CNTN5: variants seen among roughly 807,000 people sequenced by gnomAD.
CNTN5 encodes the protein contactin-5.
In CNTN5, 77 loss-of-function variants were observed where a neutral mutation model predicts 129.1. The ratio of observed to expected loss-of-function variants is 0.60; its 90% CI spans 0.50 to 0.72. CNTN5 has a LOEUF of 0.72. Among genes scored for constraint, CNTN5 ranks in the 30% least tolerant of loss-of-function variants. The probability of loss-of-function intolerance (pLI) is 0.00; values close to 1 mark genes in which losing one functional copy is unlikely to be tolerated. For missense variants in CNTN5, 1,478 were observed against 1,328.8 expected, an observed-to-expected ratio of 1.11 and a Z score of -1.75; for synonymous variants, 509 against 465.6, an observed-to-expected ratio of 1.09 and a Z score of -1.20.
At chr11:99,304,505 C>T in intron 1 of CNTN5, among the ~76,000 whole-genome samples, 1 of 152,080 alleles carries the variant, frequency 6.6e-6, no homozygotes, top group East Asian at 1.9e-4. Context: ...AAATGTTCTC[C>T]CTCCTCTGTA....
intron 1 of CNTN5, among the ~76,000 whole-genome samples, chr11:99,104,709 A>T (rs1866915564): frequency 6.6e-6 from 1 of 152,072 alleles, no homozygotes; most frequent in South Asian, 2.1e-4. Context: ...TTTGTCAATT[A>T]TAATTTGTAA....
chr11:99,267,213 A>G (rs1289936508), intron 1 of CNTN5, among the ~76,000 whole-genome samples: 1 of 152,104 alleles, frequency 6.6e-6, no homozygotes, highest in Non-Finnish European at 1.5e-5. Flanking sequence ...TATTGACAAT[A>G]GAATTCCCAA....
chr11:99,699,052 G>A (rs1017960782), intron 3 of CNTN5, among the ~76,000 whole-genome samples: 1 of 151,286 alleles, frequency 6.6e-6, no homozygotes, highest in East Asian at 1.9e-4. Flanking sequence ...AATAAAGGTA[G>A]ATCATGGTAT....
Position 99,970,840 on chromosome 11 carries a change from G to A in CNTN5, c.877+13831G>A, listed in dbSNP as rs138609346. 5.3e-3 allele frequency among the ~76,000 whole-genome samples: 801 copies of A among 152,192 alleles called. 3 individuals are homozygous for A. The highest frequency in any genetic ancestry group is 0.017 in the South Asian group (84 of 4,812). On this transcript the variant is annotated intron_variant, in intron 8 of 24. Coordinates refer to ENST00000524871, the MANE Select transcript of CNTN5 (RefSeq NM_014361.4). ...GGATGGATGGGCGGTAACATTGGGA[G>A]GAGCTTTATAGTCCATTACTTGCCT...
chr11:99,628,369 A>T (rs1349199346), intron 3 of CNTN5, among the ~76,000 whole-genome samples: 2 of 152,046 alleles, frequency 1.3e-5, no homozygotes, highest in African/African-American at 4.8e-5. Context: ...ATGAAAACAT[A>T]ACCTCACTTA....
intron 1 of CNTN5, among the ~76,000 whole-genome samples, chr11:99,255,473 T>C (rs1270631176): frequency 8.6e-5 from 13 of 151,056 alleles, no homozygotes; most frequent in Admixed American, 8.6e-4. Context: ...TGCCTAATAA[T>C]ATTACACTAA....
chr11:99,754,822 A>G (rs11824447), intron 3 of CNTN5, among the ~76,000 whole-genome samples: 10,932 of 152,144 alleles, frequency 0.072, 629 homozygotes, highest in African/African-American at 0.16. Flanking sequence ...TGCACATTCT[A>G]TGGGTTTTGA....
At chr11:100,171,658 G>A (rs1947829398) in intron 13 of CNTN5, among the ~76,000 whole-genome samples, 1 of 151,914 alleles carries the variant, frequency 6.6e-6, no homozygotes, top group Non-Finnish European at 1.5e-5. Context: ...ACATCTCAGT[G>A]GAAACGTTTA....
At chr11:100,051,140 G>A (rs116803813) in intron 9 of CNTN5, among the ~76,000 whole-genome samples, 4,638 of 151,982 alleles carry the variant, frequency 0.031, 113 homozygotes, top group African/African-American at 0.071. Context: ...CATGAACACA[G>A]CTATTAACCA....
intron 3 of CNTN5, among the ~76,000 whole-genome samples, chr11:99,700,302 TCA>T (rs1247465963): frequency 2.0e-5 from 3 of 151,420 alleles, no homozygotes; most frequent in African/African-American, 7.2e-5. Flanking sequence ...GATTCTATGA[TCA>T]CACAACTTGA....
chr11:99,193,717 G>A (rs1858759950), intron 1 of CNTN5, among the ~76,000 whole-genome samples: 1 of 152,128 alleles, frequency 6.6e-6, no homozygotes, highest in African/African-American at 2.4e-5. Context: ...GGGCAACCCA[G>A]GAGACCGTTT....
At chr11:99,209,709 T>C (rs1051493683) in intron 1 of CNTN5, among the ~76,000 whole-genome samples, 3 of 152,082 alleles carry the variant, frequency 2.0e-5, no homozygotes, top group African/African-American at 4.8e-5. Flanking sequence ...TAGACAGTCA[T>C]GAATGAATAG....
chr11:100,290,112 C>A (rs926440214), intron 18 of CNTN5, among the ~76,000 whole-genome samples: 2 of 151,240 alleles, frequency 1.3e-5, no homozygotes, highest in Admixed American at 6.6e-5. Context: ...AAAGAGGATA[C>A]AGACAAATGG....
intron 2 of CNTN5, among the ~76,000 whole-genome samples, chr11:99,326,636 T>A (rs1315521365): frequency 6.6e-6 from 1 of 152,216 alleles, no homozygotes. Context: ...GTGTCTTTTA[T>A]TCATTTCATT....
intron 13 of CNTN5, among the ~76,000 whole-genome samples, chr11:100,140,560 A>G (rs1275119441): frequency 6.6e-6 from 1 of 152,076 alleles, no homozygotes; most frequent in Non-Finnish European, 1.5e-5. Flanking sequence ...AGAGTAGGAT[A>G]TTTGCAATTG....
intron 13 of CNTN5, among the ~76,000 whole-genome samples, chr11:100,094,373 G>A (rs542469095): frequency 2.0e-5 from 3 of 152,214 alleles, no homozygotes; most frequent in Admixed American, 6.6e-5. Context: ...AATCCAGTCC[G>A]TCTGCCTCTC....
chr11:99,815,922 C>T (rs1162951834), intron 3 of CNTN5, among the ~76,000 whole-genome samples: 1 of 152,106 alleles, frequency 6.6e-6, no homozygotes, highest in Non-Finnish European at 1.5e-5. Flanking sequence ...AGTTTCTGCA[C>T]CTTGCATCTA....
intron 1 of CNTN5, among the ~76,000 whole-genome samples, chr11:99,155,083 T>A (rs2135498572): frequency 6.6e-6 from 1 of 152,190 alleles, no homozygotes; most frequent in Non-Finnish European, 1.5e-5. Context: ...ATGAGGTTCA[T>A]TGTGAGAGCA....
At chr11:99,885,088 G>A (rs1326944684) in intron 6 of CNTN5, among the ~76,000 whole-genome samples, 1 of 152,080 alleles carries the variant, frequency 6.6e-6, no homozygotes, top group Non-Finnish European at 1.5e-5. Context: ...TTTGAGACCA[G>A]CCTGTGCAAC....
Sources: gnomAD v4.1 joint callset for allele counts (sites outside exome capture counted in the v4.1 genomes callset) on GRCh38, gnomAD v4.1.1 for gene constraint, MANE v1.5 for transcripts, NCBI Gene and HGNC (gene_info 2026-07-23, HGNC 2026-07-21) for gene names.